RAPGEF4: variants seen among roughly 807,000 people sequenced by gnomAD.
RAPGEF4 encodes the protein RAP guanine-nucleotide-exchange factor (GEF) 4.
A neutral mutation model predicts 147.9 loss-of-function variants in RAPGEF4; 66 were observed. That is an observed-to-expected ratio of 0.45 (90% CI 0.37 to 0.55). RAPGEF4 has a LOEUF of 0.55. Ranked by LOEUF, RAPGEF4 falls within the 20% of genes least tolerant of loss-of-function variation. The probability of loss-of-function intolerance (pLI) is 0.00; values close to 1 mark genes in which losing one functional copy is unlikely to be tolerated. For synonymous variants in RAPGEF4, 419 were observed against 442.7 expected, an observed-to-expected ratio of 0.95 and a Z score of 0.67; for missense variants, 1,071 against 1,257.3, an observed-to-expected ratio of 0.85 and a Z score of 2.24.
At chr2:172,944,974 GT>G (rs372914968) in intron 6 of RAPGEF4, among the ~76,000 whole-genome samples, 24 of 151,342 alleles carry the variant, frequency 1.6e-4, no homozygotes, top group African/African-American at 5.1e-4. Flanking sequence ...ATTATTGTGG[GT>G]TTTTTTTTCT....
chr2:172,815,064 A>T (rs1688370477), intron 4 of RAPGEF4, among the ~76,000 whole-genome samples: 1 of 152,236 alleles, frequency 6.6e-6, no homozygotes, highest in Non-Finnish European at 1.5e-5. Context: ...AGTCATGGCA[A>T]ATAGAGCACT....
intron 1 of RAPGEF4, among the ~76,000 whole-genome samples, chr2:172,738,404 A>C (rs1410691768): frequency 6.6e-6 from 1 of 152,160 alleles, no homozygotes; most frequent in Non-Finnish European, 1.5e-5. Flanking sequence ...ACCACAATGC[A>C]ATAGTAAGTG....
Position 173,035,336 on chromosome 2 carries a change from G to A in RAPGEF4, c.2701-789G>A, listed in dbSNP as rs187823653. Among the ~76,000 whole-genome samples, 143 of 151,898 alleles carry A rather than the reference G, an allele frequency of 9.4e-4. 1 individual carries two copies. The highest frequency in any genetic ancestry group is 3.1e-3 in the African/African-American group (127 of 41,432). ...ATTCTGGCTAACATGGTGAAACCCC[G>A]TCTCTACTAAAAAAATACAAAAAAA... On this transcript the variant is annotated intron_variant, in intron 27 of 30. Coordinates refer to ENST00000397081, the MANE Select transcript of RAPGEF4 (RefSeq NM_007023.4).
chr2:172,814,766 G>A (rs1688345407), intron 4 of RAPGEF4: 3 of 307,234 alleles, frequency 9.8e-6, no homozygotes, highest in African/African-American at 2.1e-5. Flanking sequence ...ATTTTCTTTT[G>A]CATTTTAAAA....
chr2:172,833,383 A>G (rs1486581402), intron 4 of RAPGEF4, among the ~76,000 whole-genome samples: 1 of 152,034 alleles, frequency 6.6e-6, no homozygotes, highest in Non-Finnish European at 1.5e-5. Context: ...AAAACTTAAA[A>G]TTTGATAAAT....
chr2:172,803,158 C>T (rs888946107), intron 3 of RAPGEF4, among the ~76,000 whole-genome samples: 1 of 152,216 alleles, frequency 6.6e-6, no homozygotes, highest in Non-Finnish European at 1.5e-5. Flanking sequence ...CACAGCTCCA[C>T]TAGGGGTTCC....
chr2:172,963,080 A>C (rs1036944790), intron 8 of RAPGEF4, among the ~76,000 whole-genome samples: 15 of 152,140 alleles, frequency 9.9e-5, no homozygotes, highest in African/African-American at 3.6e-4. Flanking sequence ...AGCAGGAGAG[A>C]TAGAGAAGGG....
chr2:172,806,428 T>C (rs1477984541), intron 3 of RAPGEF4, among the ~76,000 whole-genome samples: 1 of 152,234 alleles, frequency 6.6e-6, no homozygotes, highest in African/African-American at 2.4e-5. Context: ...GCTGTGGGTA[T>C]GCACAGTTAG....
intron 4 of RAPGEF4, among the ~76,000 whole-genome samples, chr2:172,871,789 T>C (rs1695271991): frequency 6.6e-6 from 1 of 152,162 alleles, no homozygotes; most frequent in Admixed American, 6.6e-5. Context: ...AGCTGCTATT[T>C]TCAAGACACT....
intron 17 of RAPGEF4, 22 bp from the exon 18 acceptor site, chr2:173,014,442 T>G: frequency 1.2e-6 from 2 of 1,613,122 alleles, no homozygotes; most frequent in Non-Finnish European, 1.7e-6. Flanking sequence ...ATGGCTCAAT[T>G]TCTTCCTTGA....
chr2:172,890,953 A>G (rs887090385), intron 4 of RAPGEF4, among the ~76,000 whole-genome samples: 2 of 152,174 alleles, frequency 1.3e-5, no homozygotes, highest in Admixed American at 1.3e-4. Context: ...AACATGGCGA[A>G]ACCCCGTCTC....
intron 1 of RAPGEF4, among the ~76,000 whole-genome samples, chr2:172,743,398 T>C (rs1214024263): frequency 6.6e-6 from 1 of 152,200 alleles, no homozygotes; most frequent in Admixed American, 6.5e-5. Flanking sequence ...AAACACAAAG[T>C]GCTGCCACTA....
chr2:172,886,959 G>A (rs146326025), intron 4 of RAPGEF4, among the ~76,000 whole-genome samples: 10,859 of 152,130 alleles, frequency 0.071, 557 homozygotes, highest in Non-Finnish European at 0.11. Flanking sequence ...AGGCCAAGGC[G>A]GGTGGATCAC....
intron 4 of RAPGEF4, among the ~76,000 whole-genome samples, chr2:172,843,442 T>A (rs1691838810): frequency 6.6e-6 from 1 of 152,214 alleles, no homozygotes; most frequent in African/African-American, 2.4e-5. Flanking sequence ...ATAAAGGACA[T>A]AATTGATTTA....
intron 1 of RAPGEF4, among the ~76,000 whole-genome samples, chr2:172,784,518 A>G (rs965042339): frequency 3.9e-5 from 6 of 151,996 alleles, no homozygotes; most frequent in Non-Finnish European, 5.9e-5. Context: ...ACTCTTAAAA[A>G]AAAAAAAAAA....
At chr2:172,756,055 A>T (rs571635805) in intron 1 of RAPGEF4, among the ~76,000 whole-genome samples, 29 of 152,306 alleles carry the variant, frequency 1.9e-4, no homozygotes, top group Admixed American at 5.9e-4. Flanking sequence ...CTAGTTTTTT[A>T]AAAAAATGAG....
intron 1 of RAPGEF4, among the ~76,000 whole-genome samples, chr2:172,772,635 C>T (rs1683738258): frequency 6.6e-6 from 1 of 152,166 alleles, no homozygotes; most frequent in Non-Finnish European, 1.5e-5. Context: ...TGAGCCACCG[C>T]ACCCAGCTAA....
intron 6 of RAPGEF4, among the ~76,000 whole-genome samples, chr2:172,930,274 C>T (rs998912228): frequency 6.6e-6 from 1 of 152,272 alleles, no homozygotes; most frequent in South Asian, 2.1e-4. Context: ...ACCTGGCTTC[C>T]AAGCCATAGG....
At chr2:173,036,541 G>T in intron 28 of RAPGEF4, 87 bp from the exon 29 acceptor site, 2 of 1,034,240 alleles carry the variant, frequency 1.9e-6, no homozygotes, top group Non-Finnish European at 2.9e-6. Context: ...ATGCAAATCT[G>T]CCAGCATAAT....
Sources: allele counts gnomAD v4.1 joint callset (sites outside exome capture counted in the v4.1 genomes callset), GRCh38; gene constraint gnomAD v4.1.1; transcripts MANE v1.5; gene names NCBI Gene and HGNC (gene_info 2026-07-23, HGNC 2026-07-21).